Variants in IL1RAP observed in about 807,000 individuals in gnomAD.
The protein encoded by IL1RAP is interleukin 1 receptor accessory protein.
In IL1RAP, 35 loss-of-function variants were observed where a neutral mutation model predicts 60.7. The ratio of observed to expected loss-of-function variants is 0.58; its 90% CI spans 0.44 to 0.76. The LOEUF (loss-of-function observed/expected upper bound fraction) is 0.76. IL1RAP is among the 30% of genes least tolerant of loss of function. The probability of loss-of-function intolerance (pLI) is 0.00; values close to 1 mark genes in which losing one functional copy is unlikely to be tolerated. For missense variants in IL1RAP, 572 were observed against 693.9 expected, an observed-to-expected ratio of 0.82 and a Z score of 1.97; for synonymous variants, 268 against 250.9, an observed-to-expected ratio of 1.07 and a Z score of -0.64.
intron 5 of IL1RAP, among the ~76,000 whole-genome samples, chr3:190,614,567 G>A (rs1028432719): frequency 6.6e-6 from 1 of 152,096 alleles, no homozygotes; most frequent in Non-Finnish European, 1.5e-5. Context: ...GAAATAGGCT[G>A]TCATGTTTTC....
At chr3:190,633,397 C>T (rs1732950487) in intron 9 of IL1RAP, among the ~76,000 whole-genome samples, 1 of 152,118 alleles carries the variant, frequency 6.6e-6, no homozygotes, top group South Asian at 2.1e-4. Context: ...CTCACTGTCA[C>T]TTAGGCTGCA....
Position 190,592,338 on chromosome 3 carries a change from A to G in IL1RAP, c.65-11790A>G, listed in dbSNP as rs9813236. On this transcript the variant is annotated intron_variant, in intron 3 of 11. Transcript: ENST00000447382. Reference sequence around the variant, plus strand: ...TTTGATGAGAGAAGCAGAGCTTGTTACAGGTGGCTATTAGATGATGTTACT... The same window carrying G: ...TTTGATGAGAGAAGCAGAGCTTGTTGCAGGTGGCTATTAGATGATGTTACT... 4.9e-3 allele frequency among the ~76,000 whole-genome samples: 746 copies of G among 152,322 alleles called. 4 individuals are homozygous for G. The highest frequency in any genetic ancestry group is 0.017 in the African/African-American group (692 of 41,578).
intron 3 of IL1RAP, among the ~76,000 whole-genome samples, chr3:190,583,691 G>C (rs376883873): frequency 6.6e-6 from 1 of 152,162 alleles, no homozygotes; most frequent in East Asian, 1.9e-4. Context: ...CAAACTGAGA[G>C]CAGCCATCTA....
intron 1 of IL1RAP, among the ~76,000 whole-genome samples, chr3:190,514,506 C>T (rs929656016): frequency 1.3e-5 from 2 of 152,020 alleles, no homozygotes; most frequent in South Asian, 2.1e-4. Context: ...GAGGGGTCTA[C>T]CCTTGTTTTC....
At chr3:190,537,125 ATATT>A (rs1399571124) in intron 1 of IL1RAP, among the ~76,000 whole-genome samples, 3 of 152,198 alleles carry the variant, frequency 2.0e-5, no homozygotes, top group Non-Finnish European at 4.4e-5. Context: ...CGATAATGTG[ATATT>A]TAAAGATTTT....
At chr3:190,611,197 G>A (rs1324984640) in intron 5 of IL1RAP, among the ~76,000 whole-genome samples, 1 of 152,094 alleles carries the variant, frequency 6.6e-6, no homozygotes, top group Non-Finnish European at 1.5e-5. Flanking sequence ...AAGCATCAAT[G>A]ACTGCTAACA....
At chr3:190,536,650 G>A (rs1470576394) in intron 1 of IL1RAP, among the ~76,000 whole-genome samples, 2 of 152,092 alleles carry the variant, frequency 1.3e-5, no homozygotes, top group East Asian at 1.9e-4. Context: ...ACTATCATAA[G>A]CTAGACAATG....
chr3:190,517,772 T>C (rs1180891305), intron 1 of IL1RAP: 1 of 152,182 alleles, frequency 6.6e-6, no homozygotes, highest in Non-Finnish European at 1.5e-5. Flanking sequence ...AGAATGTGGC[T>C]TGAGGAAATC....
intron 3 of IL1RAP, among the ~76,000 whole-genome samples, chr3:190,565,097 CTT>C (rs1463937247): frequency 1.3e-5 from 2 of 151,638 alleles, no homozygotes; most frequent in Non-Finnish European, 2.9e-5. Context: ...AAATTTGTCT[CTT>C]TGATTTTAGT....
chr3:190,650,006 T>C lies in IL1RAP; in HGVS notation c.*1301T>C. The C allele has an allele frequency of 1.8e-6, 1 of 565,456 alleles. No homozygotes were observed. 35.0% of individuals were successfully genotyped at this position (565,456 alleles called of 1,614,324 possible). On this transcript the variant is annotated 3_prime_UTR_variant, in exon 12 of 12. Coordinates refer to ENST00000447382, the MANE Select transcript of IL1RAP (RefSeq NM_002182.4). ...CACAAACACAAATTATATATATACA[T>C]ATCCACACACATACATTACATATAT...
chr3:190,543,009 A>G (rs1226732923), intron 1 of IL1RAP, among the ~76,000 whole-genome samples: 1 of 151,644 alleles, frequency 6.6e-6, no homozygotes, highest in Non-Finnish European at 1.5e-5. Context: ...TTCTTGGTGT[A>G]ATTCCAGGCT....
intron 3 of IL1RAP, among the ~76,000 whole-genome samples, chr3:190,571,123 T>G (rs540073221): frequency 6.7e-6 from 1 of 150,262 alleles, no homozygotes; most frequent in Non-Finnish European, 1.5e-5. Context: ...CGATCATGAT[T>G]TTTTTTATGT....
intron 3 of IL1RAP, among the ~76,000 whole-genome samples, chr3:190,593,615 G>A (rs1451876955): frequency 1.3e-5 from 2 of 152,076 alleles, no homozygotes; most frequent in African/African-American, 2.4e-5. Flanking sequence ...ATGTCAGCAG[G>A]CAAGAGAGAC....
chr3:190,568,579 TGAGA>T (rs1726627210), intron 3 of IL1RAP, among the ~76,000 whole-genome samples: 1 of 152,164 alleles, frequency 6.6e-6, no homozygotes, highest in Non-Finnish European at 1.5e-5. Context: ...TCCTAGTAAT[TGAGA>T]GATTCAAGTT....
chr3:190,577,646 T>C (rs941751845), intron 3 of IL1RAP, among the ~76,000 whole-genome samples: 5 of 152,196 alleles, frequency 3.3e-5, no homozygotes, highest in African/African-American at 9.7e-5. Flanking sequence ...TTCTCTTGCC[T>C]CAGCCTTCCA....
intron 6 of IL1RAP, 37 bp downstream of exon 6, chr3:190,620,477 T>C: frequency 6.6e-7 from 1 of 1,513,436 alleles, no homozygotes; most frequent in Non-Finnish European, 9.0e-7. Flanking sequence ...ACAACAAGCA[T>C]GTGATCATCT....
rs1339278229 is a variant in IL1RAP at position 190,627,313 on chromosome 3, T to C, written c.776-10T>C. ...TTTGTTTTTTTTGTTTTTTTGGTTT[T>C]TTTTTTCAGGAGAGGAGCTACTCAT... On this transcript the variant is annotated splice_polypyrimidine_tract_variant and intron_variant, in intron 7 of 11. Transcript: ENST00000447382. 10 of 1,571,718 alleles carry C rather than the reference T, an allele frequency of 6.4e-6. No homozygotes were observed. The Admixed American group carries it at 6.4e-5, about 10-fold the overall frequency.
chr3:190,631,226 T>A (rs1472570300), intron 9 of IL1RAP, among the ~76,000 whole-genome samples: 2 of 152,156 alleles, frequency 1.3e-5, no homozygotes, highest in Non-Finnish European at 2.9e-5. Flanking sequence ...GAGGGATGTA[T>A]CCTGGGGAAT....
chr3:190,521,033 A>T (rs1287923654), intron 1 of IL1RAP, among the ~76,000 whole-genome samples: 2 of 152,162 alleles, frequency 1.3e-5, no homozygotes, highest in African/African-American at 2.4e-5. Context: ...TATGATCTGT[A>T]AAATGGGGAT....
Sources: allele counts gnomAD v4.1 joint callset (sites outside exome capture counted in the v4.1 genomes callset), GRCh38; gene constraint gnomAD v4.1.1; transcripts MANE v1.5; gene names NCBI Gene and HGNC (gene_info 2026-07-23, HGNC 2026-07-21).